Variants in COPS4 observed in about 807,000 individuals in gnomAD.
The protein encoded by COPS4 is COP9 signalosome complex subunit 4.
Under a neutral mutation model 55.1 loss-of-function variants are expected in COPS4, and 8 were observed. The ratio of observed to expected loss-of-function variants is 0.15; its 90% CI spans 0.09 to 0.26. The LOEUF (loss-of-function observed/expected upper bound fraction) is 0.26. Ranked by LOEUF, COPS4 falls within the 10% of genes least tolerant of loss-of-function variation. COPS4 has a pLI of 1.00. For synonymous variants in COPS4, 185 were observed against 165.7 expected (o/e 1.12, Z -0.90); for missense variants, 248 against 484.0 (o/e 0.51, Z 4.58).
At chr4:83,044,445 A>C (rs1316750817) in intron 1 of COPS4, among the ~76,000 whole-genome samples, 7 of 74,058 alleles carry the variant, frequency 9.5e-5, no homozygotes, top group African/African-American at 2.8e-4. Flanking sequence ...ACTCCATCTC[A>C]AAAAAAAAAA....
At chr4:83,051,962 A>G (rs748225076) in intron 4 of COPS4, among the ~76,000 whole-genome samples, 7 of 152,220 alleles carry the variant, frequency 4.6e-5, no homozygotes, top group Non-Finnish European at 1.0e-4. Flanking sequence ...AAATGAGGAA[A>G]ATGTATCAAG....
chr4:83,072,861 A>G (rs1237665029), intron 9 of COPS4, among the ~76,000 whole-genome samples: 1 of 151,314 alleles, frequency 6.6e-6, no homozygotes, highest in East Asian at 1.9e-4. Flanking sequence ...CCTGCTTCCC[A>G]CTCCTTTTTT....
intron 4 of COPS4, among the ~76,000 whole-genome samples, chr4:83,053,456 A>G (rs760090246): frequency 4.5e-4 from 69 of 152,160 alleles, no homozygotes; most frequent in South Asian, 1.2e-3. Context: ...AGGCAGTGAC[A>G]TGTAAGGGAT....
intron 1 of COPS4, chr4:83,035,889 A>G (rs888427097): frequency 6.5e-6 from 1 of 155,018 alleles, no homozygotes; most frequent in African/African-American, 2.4e-5. Context: ...ATGTGCTCAT[A>G]TCGTGGGTCA....
chr4:83,044,158 C>A (rs909126641), intron 1 of COPS4, among the ~76,000 whole-genome samples: 2 of 152,108 alleles, frequency 1.3e-5, no homozygotes, highest in African/African-American at 4.8e-5. Flanking sequence ...AAAAATATTA[C>A]AATTGGCTGG....
intron 2 of COPS4, among the ~76,000 whole-genome samples, chr4:83,048,373 T>C (rs960437841): frequency 5.1e-4 from 77 of 152,328 alleles, no homozygotes; most frequent in African/African-American, 1.7e-3. Flanking sequence ...ATTTATTGTT[T>C]TTATTGGGAA....
At chr4:83,049,050 C>T in intron 2 of COPS4, 116 bp from the exon 3 acceptor site, 1 of 864,304 alleles carries the variant, frequency 1.2e-6, no homozygotes. Context: ...TTGAATAATG[C>T]ATTGAAGGCT....
intron 9 of COPS4, chr4:83,073,387 T>A: frequency 1.7e-6 from 1 of 577,356 alleles, no homozygotes; most frequent in African/African-American, 1.8e-5. Flanking sequence ...TATAGCCGAA[T>A]AGCATTTCAT....
intron 9 of COPS4, among the ~76,000 whole-genome samples, chr4:83,071,252 T>C (rs1374260947): frequency 6.6e-6 from 1 of 152,236 alleles, no homozygotes; most frequent in East Asian, 1.9e-4. Flanking sequence ...TCTGTTCCAG[T>C]GTCTGGCACA....
intron 1 of COPS4, among the ~76,000 whole-genome samples, chr4:83,038,830 A>C (rs998741577): frequency 6.6e-6 from 1 of 152,052 alleles, no homozygotes; most frequent in Non-Finnish European, 1.5e-5. Flanking sequence ...TTTTTAGTAG[A>C]GACAGGGTTT....
intron 1 of COPS4, among the ~76,000 whole-genome samples, chr4:83,041,208 A>G (rs1404288168): frequency 1.3e-5 from 2 of 151,152 alleles, no homozygotes; most frequent in South Asian, 4.2e-4. Context: ...GACTACAGGC[A>G]CACGCCACCA....
intron 1 of COPS4, among the ~76,000 whole-genome samples, chr4:83,036,663 ATTG>A (rs775816486): frequency 6.6e-5 from 10 of 152,302 alleles, no homozygotes; most frequent in Non-Finnish European, 1.5e-4. Context: ...GTGCGGTAAG[ATTG>A]TTGTTGTTAC....
intron 9 of COPS4, chr4:83,073,292 T>C (rs1328169309): frequency 2.9e-6 from 2 of 699,616 alleles, no homozygotes; most frequent in African/African-American, 3.5e-5. Flanking sequence ...ATATGTGACA[T>C]GTGACCTTTT....
At chr4:83,039,789 G>A (rs753498176) in intron 1 of COPS4, among the ~76,000 whole-genome samples, 1 of 152,108 alleles carries the variant, frequency 6.6e-6, no homozygotes, top group Non-Finnish European at 1.5e-5. Context: ...GTGACACCAT[G>A]CCTGGCTAAT....
intron 1 of COPS4, chr4:83,035,546 C>G (rs1046467913): frequency 5.7e-6 from 2 of 352,742 alleles, no homozygotes; most frequent in Non-Finnish European, 5.6e-6. Context: ...TTGATAGAAT[C>G]TTTCTGGTCC....
intron 2 of COPS4, among the ~76,000 whole-genome samples, chr4:83,047,186 A>G (rs941035574): frequency 1.3e-5 from 2 of 152,236 alleles, no homozygotes; most frequent in Non-Finnish European, 2.9e-5. Context: ...AAAAACTGTT[A>G]GGAGTGGTTT....
At chr4:83,044,710 G>A (rs1730660945) in intron 1 of COPS4, among the ~76,000 whole-genome samples, 1 of 152,034 alleles carries the variant, frequency 6.6e-6, no homozygotes, top group Non-Finnish European at 1.5e-5. Flanking sequence ...GGGAGGTGGA[G>A]GTTGCAGTGA....
At chr4:83,063,333 T>A in intron 7 of COPS4, 87 bp downstream of exon 7, 2 of 891,480 alleles carry the variant, frequency 2.2e-6, no homozygotes, top group Non-Finnish European at 3.3e-6. Context: ...TATCTTTTAA[T>A]AATAATTCTA....
chr4:83,074,648 T>C (rs1353500296), intron 9 of COPS4, among the ~76,000 whole-genome samples: 3 of 150,252 alleles, frequency 2.0e-5, no homozygotes, highest in African/African-American at 7.3e-5. Context: ...TTTTTACTTT[T>C]CTTTTTTTTT....
Sources: gnomAD v4.1 joint callset for allele counts (sites outside exome capture counted in the v4.1 genomes callset) on GRCh38, gnomAD v4.1.1 for gene constraint, MANE v1.5 for transcripts, NCBI Gene and HGNC (gene_info 2026-07-23, HGNC 2026-07-21) for gene names.